Variants in CRYBG1 observed in about 807,000 individuals in gnomAD.
CRYBG1 encodes crystallin beta-gamma domain containing 1, also known as beta/gamma crystallin domain-containing protein 1.
Under a neutral mutation model 189.2 loss-of-function variants are expected in CRYBG1, and 139 were observed. The ratio of observed to expected loss-of-function variants is 0.73; its 90% CI spans 0.64 to 0.85. CRYBG1 has a LOEUF of 0.85. CRYBG1 is among the 40% of genes least tolerant of loss of function. The probability of loss-of-function intolerance (pLI) is 0.00; values close to 1 mark genes in which losing one functional copy is unlikely to be tolerated. For synonymous variants in CRYBG1, 1,023 were observed against 1,017.1 expected (o/e 1.01, Z -0.11); for missense variants, 2,611 against 2,675.8 (o/e 0.98, Z 0.53).
In CRYBG1 at chr6:106,561,324, G is replaced by A. The variant is rs775788608; in HGVS notation, c.5980-18G>A. Reference sequence around the variant, plus strand: ...CAGCACATCTGGTATAACAACTGCTGGGGGTTTTGTCTTCTAGAAGCGAAT... The same window carrying A: ...CAGCACATCTGGTATAACAACTGCTAGGGGTTTTGTCTTCTAGAAGCGAAT... On this transcript the variant is annotated intron_variant, in intron 19 of 21. Coordinates refer to ENST00000633556, the MANE Select transcript of CRYBG1 (RefSeq NM_001371242.2). 6.2e-6 allele frequency: 10 copies of A among 1,611,964 alleles called. No homozygotes were observed. Among genetic ancestry groups the A allele is most frequent in the South Asian group, 5.5e-5 (5 of 90,804 alleles).
intron 17 of CRYBG1, among the ~76,000 whole-genome samples, chr6:106,557,127 G>C (rs1774567280): frequency 6.6e-6 from 1 of 152,140 alleles, no homozygotes; most frequent in South Asian, 2.1e-4. Context: ...TAATACTAAA[G>C]TGTTTAGAAC....
At chr6:106,490,413 A>C (rs1772695259) in intron 2 of CRYBG1, among the ~76,000 whole-genome samples, 1 of 152,208 alleles carries the variant, frequency 6.6e-6, no homozygotes, top group Non-Finnish European at 1.5e-5. Flanking sequence ...AACCTAATAA[A>C]ATAGATTGAG....
At chr6:106,428,051 A>AC (rs1771260457) in intron 1 of CRYBG1, among the ~76,000 whole-genome samples, 1 of 152,214 alleles carries the variant, frequency 6.6e-6, no homozygotes, top group African/African-American at 2.4e-5. Context: ...CTCTTAAGAC[A>AC]GTACCTTCCA....
chr6:106,463,786 T>C (rs995421309), intron 2 of CRYBG1, among the ~76,000 whole-genome samples: 1 of 152,240 alleles, frequency 6.6e-6, no homozygotes, highest in African/African-American at 2.4e-5. Flanking sequence ...ACTCTCATTT[T>C]CTGTTAGTGG....
At chr6:106,504,022 A>G (rs1489370948) in intron 2 of CRYBG1, among the ~76,000 whole-genome samples, 1 of 111,482 alleles carries the variant, frequency 9.0e-6, no homozygotes, top group Non-Finnish European at 1.8e-5. Flanking sequence ...CTGAAGTGAC[A>G]GCATTAGAAA....
intron 9 of CRYBG1, among the ~76,000 whole-genome samples, chr6:106,540,328 C>T (rs1774102239): frequency 6.6e-6 from 1 of 152,194 alleles, no homozygotes; most frequent in Non-Finnish European, 1.5e-5. Context: ...GTTTTTGAAG[C>T]TGCACTTCGC....
intron 10 of CRYBG1, among the ~76,000 whole-genome samples, chr6:106,542,704 T>G (rs1774161585): frequency 1.3e-5 from 2 of 151,436 alleles, no homozygotes; most frequent in Middle Eastern, 3.4e-3. Flanking sequence ...CAGGTTGGAG[T>G]GCAGTGACGT....
At position 106,481,176 on chromosome 6, in the gene CRYBG1, G is replaced by A. The variant is rs1300453262; in HGVS notation, c.312+29344G>A. On this transcript the variant is annotated intron_variant, in intron 2 of 21. Transcript: ENST00000633556. The stretch of plus-strand genomic sequence containing the variant: ...TTTTTAGTAGAGACGGGGTTTCACC[G>A]TTTTAGCCGGGATGGTCTCGATCTC... Among the ~76,000 whole-genome samples, 20 of 111,560 alleles carry A rather than the reference G, an allele frequency of 1.8e-4. 4 individuals carry two copies. Among genetic ancestry groups the A allele is most frequent in the Admixed American group, 3.1e-4 (3 of 9,602 alleles). 73.2% of individuals were successfully genotyped at this position (111,560 alleles called of 152,430 possible).
intron 2 of CRYBG1, among the ~76,000 whole-genome samples, chr6:106,478,181 T>G (rs1261950465): frequency 6.6e-6 from 1 of 152,224 alleles, no homozygotes; most frequent in Admixed American, 6.5e-5. Flanking sequence ...TTGGGTTATA[T>G]CCGCGCACCA....
intron 3 of CRYBG1, among the ~76,000 whole-genome samples, chr6:106,517,415 T>C (rs1027244504): frequency 1.0e-4 from 12 of 119,676 alleles, no homozygotes; most frequent in African/African-American, 4.3e-4. Flanking sequence ...CACACACATA[T>C]ATACACATAT....
chr6:106,391,231 CA>C (rs1562294165), intron 1 of CRYBG1, among the ~76,000 whole-genome samples: 3 of 152,186 alleles, frequency 2.0e-5, no homozygotes, highest in Non-Finnish European at 4.4e-5. Context: ...TACAGGCATG[CA>C]CCACCACACC....
At position 106,429,428 on chromosome 6, in the gene CRYBG1, G is replaced by A. The variant is rs374019760; in HGVS notation, c.174-22266G>A. Among the ~76,000 whole-genome samples the A allele has an allele frequency of 6.6e-5, 10 of 152,224 alleles. No individual in the cohort carries two copies. The East Asian group carries it at 1.9e-3, about 29-fold the overall frequency. On this transcript the variant is annotated intron_variant, in intron 1 of 21. Coordinates refer to ENST00000633556, the MANE Select transcript of CRYBG1 (RefSeq NM_001371242.2). ...ATATATAATTCTAGAGGAACTATGT[G>A]GCATGAGATGAGACTGGCCAAACAC... is the stretch of plus-strand genomic sequence containing the variant.
intron 2 of CRYBG1, among the ~76,000 whole-genome samples, chr6:106,491,820 A>G (rs945230403): frequency 3.9e-5 from 6 of 152,188 alleles, no homozygotes; most frequent in African/African-American, 9.7e-5. Flanking sequence ...AAAAGTTTTC[A>G]TATTTCCCAT....
At chr6:106,399,288 C>T (rs1770672462) in intron 1 of CRYBG1, among the ~76,000 whole-genome samples, 1 of 152,202 alleles carries the variant, frequency 6.6e-6, no homozygotes, top group Non-Finnish European at 1.5e-5. Flanking sequence ...TTTCAAATTG[C>T]ATAAAATAAA....
Position 106,558,530 on chromosome 6 carries a change from C to G in CRYBG1, c.5760C>G (p.Phe1920Leu). ...PTIILFERED[F>L]KGKKIELNAE... is the part of the protein sequence containing the mutation. ...TTATTCTCTTTGAAAGAGAAGACTT[C>G]AAAGGAAAAAAGATTGAACTTAATG... The change falls in exon 18 of 22, where the codon TTC becomes TTG. Residue 1920 changes from phenylalanine (F) to leucine (L), a missense_variant. By Grantham distance (22) the Phe-to-Leu change is conservative (BLOSUM62 0). This residue lies in a region of CRYBG1 where 1,622 missense variants were observed against 1,735.0 expected (regional missense o/e 0.93). Coordinates refer to ENST00000633556, the MANE Select transcript of CRYBG1 (RefSeq NM_001371242.2). The G allele has an allele frequency of 2.5e-6, 4 of 1,610,738 alleles. No homozygotes were observed. Among genetic ancestry groups the G allele is most frequent in the Non-Finnish European group, 3.4e-6 (4 of 1,177,602 alleles).
intron 1 of CRYBG1, among the ~76,000 whole-genome samples, chr6:106,400,411 G>A (rs1362971407): frequency 6.6e-6 from 1 of 152,128 alleles, no homozygotes; most frequent in African/African-American, 2.4e-5. Context: ...TTGTGCTTAT[G>A]TTTTCTTCAT....
At chr6:106,471,050 C>T (rs1772223892) in intron 2 of CRYBG1, among the ~76,000 whole-genome samples, 1 of 152,164 alleles carries the variant, frequency 6.6e-6, no homozygotes, top group Non-Finnish European at 1.5e-5. Flanking sequence ...ATTTCAGCCC[C>T]ACCCTTGTAA....
At chr6:106,543,022 A>T (rs12213309) in intron 10 of CRYBG1, among the ~76,000 whole-genome samples, 17,096 of 148,246 alleles carry the variant, frequency 0.12, 1,064 homozygotes, top group South Asian at 0.19. Context: ...AATTAAATTT[A>T]ATTTTATTTT....
At chr6:106,505,546 T>C (rs1443970838) in intron 2 of CRYBG1, among the ~76,000 whole-genome samples, 1 of 152,080 alleles carries the variant, frequency 6.6e-6, no homozygotes, top group African/African-American at 2.4e-5. Context: ...TCTGTGTGTG[T>C]TTCTCCTTTT....
Sources: allele counts gnomAD v4.1 joint callset (sites outside exome capture counted in the v4.1 genomes callset), GRCh38; gene constraint gnomAD v4.1.1; regional missense constraint gnomAD v4.1.1; transcripts MANE v1.5; gene names NCBI Gene and HGNC (gene_info 2026-07-23, HGNC 2026-07-21).